SLC6A16: variants seen among roughly 807,000 people sequenced by gnomAD.
SLC6A16 encodes the protein orphan sodium- and chloride-dependent neurotransmitter transporter NTT5.
Under a neutral mutation model 65.4 loss-of-function variants are expected in SLC6A16, and 54 were observed. The ratio of observed to expected loss-of-function variants is 0.83; its 90% CI spans 0.66 to 1.04. The LOEUF (loss-of-function observed/expected upper bound fraction) is 1.04, where lower values mean the gene tolerates loss of function less well. SLC6A16 is among the 50% of genes least tolerant of loss of function. The pLI, the probability that SLC6A16 is intolerant of heterozygous loss-of-function variation, is 0.00. For missense variants in SLC6A16, 816 were observed against 914.0 expected, an observed-to-expected ratio of 0.89 and a Z score of 1.38; for synonymous variants, 330 against 346.5, an observed-to-expected ratio of 0.95 and a Z score of 0.53.
At chr19:49,333,935 C>T in the SLC6A16 span, among the ~76,000 whole-genome samples, 1 of 152,202 alleles carries the variant, frequency 6.6e-6, no homozygotes, top group African/African-American at 2.4e-5. Context: ...AGGCTCAGTG[C>T]CTCCTCCTCT....
At chr19:49,335,846 T>C in the SLC6A16 span, 3 of 1,397,956 alleles carry the variant, frequency 2.1e-6, no homozygotes, top group South Asian at 3.5e-5. The surrounding 1 kb of genome is among the most constrained non-coding windows in gnomAD (Gnocchi z 4.6). Flanking sequence ...TCCTGGGGTC[T>C]CCCTTGTCTC....
intron 7 of SLC6A16, among the ~76,000 whole-genome samples, chr19:49,300,527 A>G (rs1201555361): frequency 6.6e-6 from 1 of 152,142 alleles, no homozygotes; most frequent in African/African-American, 2.4e-5. Context: ...CAGAAAACAG[A>G]GTGGATAACT....
intron 1 of SLC6A16, among the ~76,000 whole-genome samples, 159 bp downstream of exon 1, chr19:49,324,889 C>T (rs1037829569): frequency 6.6e-6 from 1 of 152,186 alleles, no homozygotes; most frequent in African/African-American, 2.4e-5. Context: ...CCCCTTTGAT[C>T]CCTCAGCTCC....
At chr19:49,294,088 T>C (rs1970136116) in intron 8 of SLC6A16, 60 bp from the exon 9 acceptor site, 24 of 1,385,502 alleles carry the variant, frequency 1.7e-5, no homozygotes, top group Non-Finnish European at 2.3e-5. Context: ...CAAAAAAATA[T>C]AGACAAGTAT....
At chr19:49,336,582 A>T in the SLC6A16 span, 1 of 237,504 alleles carries the variant, frequency 4.2e-6, no homozygotes, top group Non-Finnish European at 8.3e-6. Context: ...AGAAATAGAT[A>T]TCATCTCCTA....
rs773875604 is a variant in SLC6A16 at position 49,311,424 on chromosome 19, A to G, written c.-64-13T>C. On this transcript the variant is annotated splice_polypyrimidine_tract_variant and intron_variant, in intron 1 of 11. Coordinates refer to ENST00000335875, the MANE Select transcript of SLC6A16 (RefSeq NM_014037.3). ...TTCCTGAGGAGACCTGAAGGACACC[A>G]AAATCTGTAGATTTTAGATTTTAGA... 987 of 1,462,746 alleles carry G rather than the reference A, an allele frequency of 6.7e-4. No individual in the cohort carries two copies. Among genetic ancestry groups the G allele is most frequent in the Non-Finnish European group, 8.5e-4 (935 of 1,095,198 alleles). The allele number at this position is 1,462,746 out of a possible 1,614,324, so 90.6% of individuals were successfully genotyped here. A position where few individuals can be genotyped will look rare whatever the true frequency, so the allele number is the denominator to read the frequency against.
At chr19:49,338,604 C>T in the SLC6A16 span, 1 of 878,952 alleles carries the variant, frequency 1.1e-6, no homozygotes, top group East Asian at 2.4e-5. This position sits in a 1 kb window ranked among gnomAD's most constrained non-coding sequence, Gnocchi z 5.0. Flanking sequence ...TAGTCCCCTG[C>T]TCCCCGACCT....
At chr19:49,330,670 G>A in the SLC6A16 span, among the ~76,000 whole-genome samples, 1 of 152,212 alleles carries the variant, frequency 6.6e-6, no homozygotes, top group Admixed American at 6.5e-5. Context: ...CAGGCCAGGT[G>A]CAGTGGCTTG....
chr19:49,310,020 T>C lies in SLC6A16; in HGVS notation c.700+20A>G. Reference sequence around the variant, plus strand: ...ACTTCTCCATTTTTCCCTTCTCCTCTTCTTTCACTTCCTCCTCACCAAAGC... The same window carrying C: ...ACTTCTCCATTTTTCCCTTCTCCTCCTCTTTCACTTCCTCCTCACCAAAGC... On this transcript the variant is annotated intron_variant, in intron 4 of 11. Transcript: ENST00000335875. 3.1e-6 allele frequency: 5 copies of C among 1,612,484 alleles called. No individual in the cohort carries two copies. Among genetic ancestry groups the C allele is most frequent in the Non-Finnish European group, 4.2e-6 (5 of 1,178,682 alleles).
In SLC6A16 at chr19:49,309,136, G is replaced by C. The variant is rs1970455306; in HGVS notation, c.988-19C>G. On this transcript the variant is annotated intron_variant, in intron 6 of 11. Coordinates refer to ENST00000335875, the MANE Select transcript of SLC6A16 (RefSeq NM_014037.3). ...CCGATATCTAAAAGAGAGAAGACAA[G>C]CATAAGGGGGTTGTAAAAGAAGAAG... is the stretch of plus-strand genomic sequence containing the variant. 6.2e-7 allele frequency: 1 copy of C among 1,611,736 alleles called. No homozygotes were observed.
chr19:49,313,269 C>A (rs1049921268), intron 1 of SLC6A16, among the ~76,000 whole-genome samples: 2 of 151,962 alleles, frequency 1.3e-5, no homozygotes, highest in Admixed American at 6.6e-5. Context: ...TTCAAAGGAT[C>A]CTCTCACCTT....
intron 10 of SLC6A16, among the ~76,000 whole-genome samples, chr19:49,291,834 C>T (rs1319528507): frequency 3.9e-5 from 6 of 152,024 alleles, no homozygotes; most frequent in African/African-American, 9.7e-5. Context: ...GCTCAAGCAT[C>T]CTCTCCTCTA....
In SLC6A16 at chr19:49,313,072, C is replaced by CAAAAAA. The variant is rs5828385; in HGVS notation, c.-64-1667_-64-1662dup. On this transcript the variant is annotated intron_variant, in intron 1 of 11. Transcript: ENST00000335875. ...CACTCCAGCCTGGGCAACCCTGTCT[C>CAAAAAA]AAAAAAAAAAAAAAAAAAAAAAAGA... is the stretch of plus-strand genomic sequence containing the variant. Among the ~76,000 whole-genome samples the CAAAAAA allele has an allele frequency of 2.8e-4, 27 of 95,766 alleles. 1 individual carries two copies. Among genetic ancestry groups the CAAAAAA allele is most frequent in the African/African-American group, 1.3e-3 (24 of 18,968 alleles). The allele number at this position is 95,766 out of a possible 152,430, so 62.8% of individuals were successfully genotyped here.
upstream of SLC6A16, among the ~76,000 whole-genome samples, chr19:49,326,012 A>C (rs1970792393): frequency 6.6e-6 from 1 of 151,804 alleles, no homozygotes; most frequent in Non-Finnish European, 1.5e-5. Context: ...AAGTCAAAAA[A>C]AAAAAAAATT....
upstream of SLC6A16, among the ~76,000 whole-genome samples, chr19:49,326,568 T>C (rs659555): frequency 0.78 from 118,359 of 152,082 alleles, 46,698 homozygotes; most frequent in African/African-American, 0.91. Context: ...TCATTCAATC[T>C]TTCAACACGT....
the SLC6A16 span, chr19:49,339,284 G>C: frequency 1.9e-6 from 3 of 1,539,478 alleles, no homozygotes; most frequent in African/African-American, 2.7e-5. This position sits in a 1 kb window ranked among gnomAD's most constrained non-coding sequence, Gnocchi z 4.5. Context: ...GCCTGGGCTT[G>C]AGAGTCCCAG....
chr19:49,326,503 G>C (rs1368457597), upstream of SLC6A16, among the ~76,000 whole-genome samples: 2 of 152,144 alleles, frequency 1.3e-5, no homozygotes, highest in Non-Finnish European at 2.9e-5. Context: ...ATTGAACAAA[G>C]AGATGAAGAG....
At chr19:49,314,177 A>C (rs534707868) in intron 1 of SLC6A16, among the ~76,000 whole-genome samples, 38 of 152,186 alleles carry the variant, frequency 2.5e-4, no homozygotes, top group Admixed American at 2.0e-3. Context: ...AAAGATCATA[A>C]TGGACAAAGA....
the SLC6A16 span, chr19:49,339,840 A>C: frequency 7.5e-7 from 1 of 1,330,324 alleles, no homozygotes; most frequent in Non-Finnish European, 9.6e-7. This position sits in a 1 kb window ranked among gnomAD's most constrained non-coding sequence, Gnocchi z 4.5. Flanking sequence ...CCAACTGGGG[A>C]GACAAGGCAC....
Sources: gnomAD v4.1 joint callset for allele counts (sites outside exome capture counted in the v4.1 genomes callset) on GRCh38, gnomAD v4.1.1 for gene constraint, Gnocchi (gnomAD v3.1) non-coding constraint, MANE v1.5 for transcripts, NCBI Gene and HGNC (gene_info 2026-07-23, HGNC 2026-07-21) for gene names.